ATE1: variants seen among roughly 807,000 people sequenced by gnomAD.
ATE1 encodes arginyl-tRNA--protein transferase 1.
In ATE1, 36 loss-of-function variants were observed where a neutral mutation model predicts 70.5. That is an observed-to-expected ratio of 0.51 (90% CI 0.39 to 0.67). The LOEUF is 0.67. Among genes scored for constraint, ATE1 ranks in the 30% least tolerant of loss-of-function variants. ATE1 has a pLI of 0.00. For missense variants in ATE1, 593 were observed against 629.5 expected (o/e 0.94, Z 0.62); for synonymous variants, 232 against 219.3 (o/e 1.06, Z -0.51).
intron 10 of ATE1, among the ~76,000 whole-genome samples, chr10:121,823,711 T>TTTCTA (rs1202687494): frequency 6.6e-6 from 1 of 152,194 alleles, no homozygotes; most frequent in East Asian, 1.9e-4. Flanking sequence ...TACATCAAGC[T>TTTCTA]TTCTAGTTCA....
At chr10:121,850,395 C>A (rs1172260153) in intron 8 of ATE1, among the ~76,000 whole-genome samples, 2 of 152,218 alleles carry the variant, frequency 1.3e-5, no homozygotes, top group African/African-American at 4.8e-5. Context: ...CTTAACTTAG[C>A]TTTCCAGGAG....
intron 11 of ATE1, among the ~76,000 whole-genome samples, chr10:121,750,290 T>C (rs78571560): frequency 0.01 from 1,581 of 152,308 alleles, 13 homozygotes; most frequent in African/African-American, 0.027. Context: ...TTAAGGACCA[T>C]GTGCCATTTC....
chr10:121,802,402 A>G (rs1946923283), intron 10 of ATE1, among the ~76,000 whole-genome samples: 1 of 151,328 alleles, frequency 6.6e-6, no homozygotes, highest in Non-Finnish European at 1.5e-5. Flanking sequence ...TCCGCCTCCT[A>G]GGTTCAAGTG....
intron 7 of ATE1, among the ~76,000 whole-genome samples, chr10:121,879,666 T>C (rs1017796430): frequency 7.2e-5 from 11 of 152,190 alleles, no homozygotes; most frequent in Non-Finnish European, 4.4e-5. Context: ...ATCGTTTCTT[T>C]CTCCCATGTT....
chr10:121,874,218 A>T (rs1368378900), intron 7 of ATE1, among the ~76,000 whole-genome samples: 1 of 152,208 alleles, frequency 6.6e-6, no homozygotes, highest in African/African-American at 2.4e-5. Flanking sequence ...ACGACTCTAA[A>T]TTATGTTAAC....
chr10:121,830,498 G>A (rs529212679), intron 10 of ATE1, among the ~76,000 whole-genome samples: 11 of 152,186 alleles, frequency 7.2e-5, no homozygotes, highest in Admixed American at 1.3e-4. Context: ...GGACTTTCCC[G>A]TCACCAAAAT....
At chr10:121,925,591 G>A (rs1952055871) in intron 1 of ATE1, among the ~76,000 whole-genome samples, 1 of 152,044 alleles carries the variant, frequency 6.6e-6, no homozygotes, top group South Asian at 2.1e-4. Flanking sequence ...AGAACTAAAG[G>A]CTTCATGAGG....
At chr10:121,902,296 A>G in intron 6 of ATE1, 95 bp downstream of exon 6, 1 of 1,088,272 alleles carries the variant, frequency 9.2e-7, no homozygotes, top group Non-Finnish European at 1.3e-6. Context: ...TTAACTAGCA[A>G]ACATCAACTA....
chr10:121,840,373 C>T (rs1314909409), intron 9 of ATE1, among the ~76,000 whole-genome samples: 2 of 152,210 alleles, frequency 1.3e-5, no homozygotes, highest in East Asian at 3.9e-4. Context: ...TAGTACAAGC[C>T]TGTAATTACA....
rs1944150802 is a variant in ATE1 at position 121,741,644 on chromosome 10, C to G, written c.*2036G>C. 6.6e-6 allele frequency: 1 copy of G among 152,168 alleles called. No individual in the cohort carries two copies. Among genetic ancestry groups the G allele is most frequent in the Admixed American group, 6.5e-5 (1 of 15,268 alleles). 9.4% of individuals were successfully genotyped at this position (152,168 alleles called of 1,614,324 possible). A position where few individuals can be genotyped will look rare whatever the true frequency, so the allele number is the denominator to read the frequency against. ...CAGTGATAACACCAAGTTGGACATT[C>G]AAATGCTAAGCGAGCCAAGTACCAG... is the stretch of plus-strand genomic sequence containing the variant. On this transcript the variant is annotated 3_prime_UTR_variant, in exon 12 of 12. Transcript: ENST00000224652.
At chr10:121,765,437 A>G (rs2420957) in intron 11 of ATE1, among the ~76,000 whole-genome samples, 118,774 of 151,358 alleles carry the variant, frequency 0.78, 46,781 homozygotes, top group Middle Eastern at 0.89. Flanking sequence ...AACTATGCTA[A>G]CATTCAGAAT....
At chr10:121,797,106 T>C (rs571163629) in intron 10 of ATE1, among the ~76,000 whole-genome samples, 5 of 152,192 alleles carry the variant, frequency 3.3e-5, no homozygotes, top group African/African-American at 1.2e-4. Flanking sequence ...CGTGGAAAAA[T>C]TGGATTTCAC....
chr10:121,922,260 A>G lies in ATE1; in HGVS notation c.233+89T>C, dbSNP rs1049383021. 6.7e-6 allele frequency: 6 copies of G among 898,886 alleles called. No individual in the cohort carries two copies. In the African/African-American group the frequency reaches 1.0e-4, roughly 15 times the overall value. The allele number at this position is 898,886 out of a possible 1,614,324, so 55.7% of individuals were successfully genotyped here. A position where few individuals can be genotyped will look rare whatever the true frequency, so the allele number is the denominator to read the frequency against. ...TAAAGGACATCTACCTAGAGCGGAA[A>G]TAAACATTAAAAAAGCACAAGAGAC... On this transcript the variant is annotated intron_variant, in intron 3 of 11. Coordinates refer to ENST00000224652, the MANE Select transcript of ATE1 (RefSeq NM_001001976.3).
chr10:121,888,674 T>G (rs1447422120), intron 7 of ATE1, among the ~76,000 whole-genome samples: 1 of 148,398 alleles, frequency 6.7e-6, no homozygotes, highest in Non-Finnish European at 1.5e-5. Flanking sequence ...CCAAAAGGTA[T>G]GTATAAGGAT....
intron 11 of ATE1, among the ~76,000 whole-genome samples, chr10:121,780,809 C>T (rs1269118341): frequency 6.6e-6 from 1 of 152,100 alleles, no homozygotes; most frequent in Admixed American, 6.5e-5. Context: ...TTCTACACCC[C>T]GTCAAATTCT....
intron 1 of ATE1, among the ~76,000 whole-genome samples, chr10:121,926,448 ATAAAGAGTATTAAAAT>A (rs1952093573): frequency 6.6e-6 from 1 of 152,168 alleles, no homozygotes. Context: ...ATGCCCCATA[ATAAAGAGTATTAAAAT>A]TAAAATCGAG....
intron 8 of ATE1, among the ~76,000 whole-genome samples, chr10:121,849,886 C>T (rs759020685): frequency 1.3e-5 from 2 of 152,118 alleles, no homozygotes; most frequent in Non-Finnish European, 1.5e-5. Flanking sequence ...AATTCAGTGC[C>T]TGCCCTCCAA....
intron 4 of ATE1, among the ~76,000 whole-genome samples, chr10:121,911,659 CAT>C (rs1420108562): frequency 5.3e-5 from 8 of 152,096 alleles, no homozygotes; most frequent in African/African-American, 1.2e-4. Context: ...TGGGAAATCA[CAT>C]GTTAAAGAAA....
chr10:121,912,911 G>GCTGTTGTTGAAACAGAGTCTCT (rs11272762), intron 4 of ATE1, among the ~76,000 whole-genome samples: 19,893 of 151,294 alleles, frequency 0.13, 1,492 homozygotes, highest in East Asian at 0.18. Context: ...ATTTTTTGTT[G>GCTGTTGTTGAAACAGAGTCTCT]CTCTGTCACC....
Sources: gnomAD v4.1 joint callset for allele counts (sites outside exome capture counted in the v4.1 genomes callset) on GRCh38, gnomAD v4.1.1 for gene constraint, MANE v1.5 for transcripts, NCBI Gene and HGNC (gene_info 2026-07-23, HGNC 2026-07-21) for gene names.